Variants in PPT1 observed in about 807,000 individuals in gnomAD.
PPT1 encodes the protein ceroid-palmitoyl-palmitoyl-protein thioesterase 1.
In PPT1, 24 loss-of-function variants were observed where a neutral mutation model predicts 44.0. The observed-to-expected ratio is 0.54, with a 90% CI of 0.39 to 0.77. The LOEUF (loss-of-function observed/expected upper bound fraction) is 0.77. Among genes scored for constraint, PPT1 ranks in the 30% least tolerant of loss-of-function variants. The pLI, the probability that PPT1 is intolerant of heterozygous loss-of-function variation, is 0.00. For synonymous variants in PPT1, 148 were observed against 140.2 expected, an observed-to-expected ratio of 1.06 and a Z score of -0.39; for missense variants, 341 against 378.8, an observed-to-expected ratio of 0.90 and a Z score of 0.83.
At chr1:40,089,576 C>T in intron 4 of PPT1, 64 bp from the exon 5 acceptor site, 1 of 1,186,552 alleles carries the variant, frequency 8.4e-7, no homozygotes. Context: ...CCACTATGCA[C>T]AAGGCACTGT....
chr1:40,097,144 G>A lies in PPT1; in HGVS notation c.95C>T (p.Pro32Leu). The change falls in exon 1 of 9, where the codon CCG (proline) becomes CTG (leucine). Residue 32 changes from proline (P) to leucine (L), a missense_variant. Pro to Leu is a moderately conservative substitution (Grantham distance 98, BLOSUM62 -3). Coordinates refer to ENST00000642050, the MANE Select transcript of PPT1 (RefSeq NM_000310.4). ...RALQHLDPPAPLPLVIWHGMG... is the reference protein window; with the variant it reads ...RALQHLDPPALLPLVIWHGMG... Reference sequence around the variant, plus strand: ...CCCATGCCAGATCACCAACGGCAGCGGCGCCGGCGGGTCCAGATGCTGCAG... The same window carrying A: ...CCCATGCCAGATCACCAACGGCAGCAGCGCCGGCGGGTCCAGATGCTGCAG... The A allele has an allele frequency of 6.2e-7, 1 of 1,614,104 alleles. No homozygotes were observed. Among genetic ancestry groups the A allele is most frequent in the East Asian group, 2.2e-5 (1 of 44,880 alleles).
chr1:40,092,477 C>T lies in PPT1; in HGVS notation c.155G>A (p.Gly52Asp), dbSNP rs1225799280. 1.2e-6 allele frequency: 2 copies of T among 1,613,572 alleles called. No homozygotes were observed. Among genetic ancestry groups the T allele is most frequent in the Non-Finnish European group, 1.7e-6 (2 of 1,179,552 alleles). ...CTTCTCCACCATTTTTTTAATAGCA[C>T]CCATGCTTAAGGGATTGCAACAGCT... is the stretch of plus-strand genomic sequence containing the variant. ...GDSCCNPLSM[G>D]AIKKMVEKKI... The change falls in exon 2 of 9, where the codon GGT (glycine) becomes GAT (aspartate). Residue 52 changes from glycine to aspartate, a missense_variant. Coordinates refer to ENST00000642050, the MANE Select transcript of PPT1 (RefSeq NM_000310.4).
At chr1:40,088,816 G>A (rs752505374) in intron 5 of PPT1, among the ~76,000 whole-genome samples, 5 of 152,148 alleles carry the variant, frequency 3.3e-5, no homozygotes, top group Non-Finnish European at 4.4e-5. Flanking sequence ...AATTCCTTGA[G>A]CTTAGTACTT....
intron 1 of PPT1, among the ~76,000 whole-genome samples, chr1:40,094,564 C>G (rs4660387): frequency 0.65 from 97,932 of 151,496 alleles, 32,354 homozygotes; most frequent in Non-Finnish European, 0.72. Flanking sequence ...TGAGTGCCTC[C>G]TTAAATTTGC....
rs560779515 is a variant in PPT1 at position 40,081,203 on chromosome 1, G to A, written c.537-716C>T. On this transcript the variant is annotated intron_variant, in intron 5 of 8. Coordinates refer to ENST00000642050, the MANE Select transcript of PPT1 (RefSeq NM_000310.4). ...GGTGGGTCTTTCCTGTGCTGTTCTC[G>A]TGACAGTGAATAAGTCTCATGAGAT... 4.6e-5 allele frequency among the ~76,000 whole-genome samples: 7 copies of A among 152,152 alleles called. No individual in the cohort carries two copies. In the East Asian group the frequency reaches 5.8e-4, roughly 13 times the overall value.
At chr1:40,093,457 CA>C (rs1485979055) in intron 1 of PPT1, among the ~76,000 whole-genome samples, 1 of 152,064 alleles carries the variant, frequency 6.6e-6, no homozygotes, top group Non-Finnish European at 1.5e-5. Context: ...CACAACATTG[CA>C]AATACACTAA....
downstream of PPT1, chr1:40,072,120 C>CGTGAGATA: frequency 2.5e-6 from 1 of 400,144 alleles, no homozygotes; most frequent in Non-Finnish European, 4.4e-6. Flanking sequence ...CTGCCTCAAC[C>CGTGAGATA]GTGAGATAGG....
intron 5 of PPT1, among the ~76,000 whole-genome samples, chr1:40,082,877 A>G (rs556434059): frequency 1.3e-5 from 2 of 152,372 alleles, no homozygotes; most frequent in Admixed American, 1.3e-4. Flanking sequence ...TTTCACAGCT[A>G]TAGAGGAGAA....
chr1:40,093,914 G>T, intron 1 of PPT1: 2 of 663,188 alleles, frequency 3.0e-6, no homozygotes, highest in Non-Finnish European at 5.5e-6. Flanking sequence ...ATCCATATAG[G>T]CCAAGCATGG....
intron 8 of PPT1, among the ~76,000 whole-genome samples, chr1:40,074,530 C>T (rs1011448153): frequency 1.3e-5 from 2 of 149,258 alleles, no homozygotes; most frequent in Admixed American, 6.8e-5. Flanking sequence ...TGCAGTGGTG[C>T]GATCTCGGCT....
rs1126972 is a variant in PPT1 at position 40,073,556 on chromosome 1, G to C, written c.*505C>G. On this transcript the variant is annotated 3_prime_UTR_variant, in exon 9 of 9. Coordinates refer to ENST00000642050, the MANE Select transcript of PPT1 (RefSeq NM_000310.4). ...ATGATAGCACAGAGGGCAACGTACTGAGAGAGGAAGGCAGCCTTAAGAAAT... is the reference window on the plus strand; with the variant it reads ...ATGATAGCACAGAGGGCAACGTACTCAGAGAGGAAGGCAGCCTTAAGAAAT... The C allele has an allele frequency of 0.7, 120,777 of 173,292 alleles. 42,478 individuals are homozygous for C. Among genetic ancestry groups the C allele is most frequent in the Non-Finnish European group, 0.74 (58,846 of 79,762 alleles). The allele number at this position is 173,292 out of a possible 1,614,324, so 10.7% of individuals were successfully genotyped here. A position where few individuals can be genotyped will look rare whatever the true frequency, so the allele number is the denominator to read the frequency against.
intron 5 of PPT1, 79 bp downstream of exon 5, chr1:40,089,331 A>T: frequency 2.0e-6 from 2 of 983,674 alleles, no homozygotes; most frequent in South Asian, 2.6e-5. Context: ...CTACTGCTGG[A>T]ATCACTGTGA....
intron 2 of PPT1, 112 bp from the exon 3 acceptor site, chr1:40,092,284 G>T: frequency 6.5e-7 from 1 of 1,541,906 alleles, no homozygotes; most frequent in African/African-American, 1.4e-5. Flanking sequence ...CCACTCAAGG[G>T]TGAAAGTATC....
chr1:40,090,864 C>A (rs887438306), intron 4 of PPT1, among the ~76,000 whole-genome samples: 8 of 152,176 alleles, frequency 5.3e-5, no homozygotes, highest in Admixed American at 4.6e-4. Context: ...AGATGAAATT[C>A]CATTCTAATG....
chr1:40,089,179 C>T (rs1393602406), intron 5 of PPT1, among the ~76,000 whole-genome samples: 2 of 149,762 alleles, frequency 1.3e-5, no homozygotes, highest in African/African-American at 2.5e-5. Flanking sequence ...CCCAGCTACT[C>T]GGAGGCGGAG....
chr1:40,086,173 G>A (rs1649252156), intron 5 of PPT1, among the ~76,000 whole-genome samples: 1 of 152,192 alleles, frequency 6.6e-6, no homozygotes. Context: ...GAAGACGGAG[G>A]CCAAGGCCAG....
chr1:40,084,850 C>T (rs569498551), intron 5 of PPT1, among the ~76,000 whole-genome samples: 7 of 152,232 alleles, frequency 4.6e-5, no homozygotes, highest in African/African-American at 7.2e-5. Flanking sequence ...AGTGTGAGCC[C>T]TCTGTCATGC....
downstream of PPT1, chr1:40,072,129 GGA>G (rs775575092): frequency 5.3e-5 from 21 of 399,878 alleles, 1 homozygote; most frequent in Admixed American, 7.9e-4. Flanking sequence ...CCGTGAGATA[GGA>G]GAGTCTCTGG....
chr1:40,089,256 AG>A (rs1649422273), intron 5 of PPT1, among the ~76,000 whole-genome samples, 153 bp downstream of exon 5: 1 of 129,370 alleles, frequency 7.7e-6, no homozygotes, highest in Non-Finnish European at 1.6e-5. Flanking sequence ...ACTGCCCTCC[AG>A]CCTGGGCAAC....
Sources: allele counts gnomAD v4.1 joint callset (sites outside exome capture counted in the v4.1 genomes callset), GRCh38; gene constraint gnomAD v4.1.1; transcripts MANE v1.5; gene names NCBI Gene and HGNC (gene_info 2026-07-23, HGNC 2026-07-21).